The following AGBL4 variants were observed in gnomAD, a reference collection of about 807,000 sequenced individuals.
AGBL4 encodes the protein AGBL carboxypeptidase 4, also known as cytosolic carboxypeptidase 6.
In AGBL4, 58 loss-of-function variants were observed where a neutral mutation model predicts 66.4. The ratio of observed to expected loss-of-function variants is 0.87; its 90% CI spans 0.71 to 1.09. AGBL4 has a LOEUF of 1.09. Ranked by LOEUF, AGBL4 falls within the 50% of genes least tolerant of loss-of-function variation. The pLI, the probability that AGBL4 is intolerant of heterozygous loss-of-function variation, is 0.00. For missense variants in AGBL4, 579 were observed against 631.0 expected (o/e 0.92, Z 0.88); for synonymous variants, 234 against 222.9 (o/e 1.05, Z -0.44).
chr1:49,287,568 C>T (rs1339719736), intron 3 of AGBL4, among the ~76,000 whole-genome samples: 5 of 152,084 alleles, frequency 3.3e-5, no homozygotes, highest in African/African-American at 4.8e-5. Context: ...TGAACAGACA[C>T]TTCTCAAAAG....
intron 10 of AGBL4, 136 bp from the exon 11 acceptor site, chr1:48,587,302 T>C: frequency 1.2e-6 from 1 of 829,646 alleles, no homozygotes; most frequent in Non-Finnish European, 1.8e-6. Flanking sequence ...ACATGATTAT[T>C]ATAAGGACTG....
intron 6 of AGBL4, among the ~76,000 whole-genome samples, chr1:48,810,886 T>C (rs1351842148): frequency 2.0e-5 from 3 of 152,140 alleles, no homozygotes; most frequent in East Asian, 3.9e-4. Flanking sequence ...AATTTGACCT[T>C]TGGACGATGC....
chr1:49,353,189 G>A (rs1032964485), intron 3 of AGBL4, among the ~76,000 whole-genome samples: 2 of 152,150 alleles, frequency 1.3e-5, no homozygotes, highest in African/African-American at 4.8e-5. Context: ...CGTCTCTGCT[G>A]TTAAAACACT....
chr1:49,521,016 C>T (rs947252647), intron 3 of AGBL4, among the ~76,000 whole-genome samples: 2 of 151,938 alleles, frequency 1.3e-5, no homozygotes, highest in Non-Finnish European at 2.9e-5. Flanking sequence ...ACCATGTTGG[C>T]CAGGCTGGTC....
rs372682690 is a variant in AGBL4, at chr1:49,721,437, C to G, written c.158-24000G>C. On this transcript the variant is annotated intron_variant, in intron 2 of 13. Coordinates refer to ENST00000371839, the MANE Select transcript of AGBL4 (RefSeq NM_032785.4). ...GAGACCACAAACCCACCGGCAGGAA[C>G]CAACTCCAGACACAATAAGACAGGA... 3.3e-4 allele frequency among the ~76,000 whole-genome samples: 50 copies of G among 152,092 alleles called. 1 individual carries two copies. The South Asian group carries it at 9.6e-3, about 29-fold the overall frequency.
chr1:49,983,954 T>TCC (rs1166852444), intron 1 of AGBL4, among the ~76,000 whole-genome samples: 1 of 152,146 alleles, frequency 6.6e-6, no homozygotes, highest in Admixed American at 6.5e-5. Flanking sequence ...TGTTATACTC[T>TCC]CCCTCTTTTG....
chr1:48,822,589 A>G (rs1198917472), intron 6 of AGBL4, among the ~76,000 whole-genome samples: 1 of 152,246 alleles, frequency 6.6e-6, no homozygotes, highest in Non-Finnish European at 1.5e-5. Flanking sequence ...ATTGATCTAA[A>G]TGTATATGTC....
chr1:49,395,794 T>C lies in AGBL4; in HGVS notation c.283-149930A>G, dbSNP rs1294596693. Among the ~76,000 whole-genome samples, 3 of 135,180 alleles carry C rather than the reference T, an allele frequency of 2.2e-5. No individual in the cohort carries two copies. In the South Asian group the frequency reaches 6.7e-4, roughly 30 times the overall value. The allele number at this position is 135,180 out of a possible 152,430, so 88.7% of individuals were successfully genotyped here. A position where few individuals can be genotyped will look rare whatever the true frequency, so the allele number is the denominator to read the frequency against. ...ATATATACATGTGTATATATGTATA[T>C]ATATACATATATATATGTATACATA... On this transcript the variant is annotated intron_variant, in intron 3 of 13. Coordinates refer to ENST00000371839, the MANE Select transcript of AGBL4 (RefSeq NM_032785.4).
At chr1:49,553,384 A>G (rs1312693874) in intron 3 of AGBL4, among the ~76,000 whole-genome samples, 1 of 152,252 alleles carries the variant, frequency 6.6e-6, no homozygotes, top group African/African-American at 2.4e-5. Flanking sequence ...GGATGAGACC[A>G]TTCTTCACTT....
At chr1:49,280,414 T>C (rs141758780) in intron 3 of AGBL4, among the ~76,000 whole-genome samples, 92 of 152,290 alleles carry the variant, frequency 6.0e-4, no homozygotes, top group Middle Eastern at 3.4e-3. Context: ...GAAGAGCCCA[T>C]CACTCACTGC....
intron 3 of AGBL4, among the ~76,000 whole-genome samples, chr1:49,622,202 A>C (rs1029241011): frequency 6.6e-6 from 1 of 152,216 alleles, no homozygotes; most frequent in African/African-American, 2.4e-5. Flanking sequence ...CAGTGTAGCC[A>C]GACTTAAGTG....
chr1:49,678,578 T>C (rs1317335191), intron 3 of AGBL4, among the ~76,000 whole-genome samples: 2 of 152,118 alleles, frequency 1.3e-5, no homozygotes, highest in Admixed American at 6.6e-5. Flanking sequence ...TCTTCTTTTC[T>C]AATGTAAGTA....
At chr1:49,025,827 T>C (rs1410909981) in intron 5 of AGBL4, among the ~76,000 whole-genome samples, 3 of 152,148 alleles carry the variant, frequency 2.0e-5, no homozygotes, top group African/African-American at 7.2e-5. Context: ...AGTTTCCGGA[T>C]TTATTATTTT....
chr1:49,895,761 C>A (rs139652178), intron 1 of AGBL4, among the ~76,000 whole-genome samples: 26 of 151,548 alleles, frequency 1.7e-4, no homozygotes, highest in African/African-American at 5.3e-4. Context: ...AATTACACCA[C>A]CAGAGAGAAT....
At chr1:49,941,002 A>G (rs1423333949) in intron 1 of AGBL4, among the ~76,000 whole-genome samples, 1 of 152,164 alleles carries the variant, frequency 6.6e-6, no homozygotes, top group Admixed American at 6.6e-5. Context: ...CTGACACCAC[A>G]GAAATACAAA....
chr1:48,742,591 G>A, intron 6 of AGBL4: 1 of 1,488,344 alleles, frequency 6.7e-7, no homozygotes, highest in Non-Finnish European at 9.0e-7. Flanking sequence ...ACAAACACTT[G>A]CAGGGAATGG....
At chr1:49,704,859 C>A (rs1337676746) in intron 2 of AGBL4, among the ~76,000 whole-genome samples, 1 of 151,978 alleles carries the variant, frequency 6.6e-6, no homozygotes, top group East Asian at 1.9e-4. Context: ...AAGTCAGGTA[C>A]TGTGATGCCT....
At chr1:49,712,510 G>T in intron 2 of AGBL4, among the ~76,000 whole-genome samples, 1 of 151,734 alleles carries the variant, frequency 6.6e-6, no homozygotes, top group African/African-American at 2.4e-5. Flanking sequence ...AGTTATGTAG[G>T]ATGAATAAGT....
chr1:49,922,272 T>C (rs2148242658), intron 1 of AGBL4, among the ~76,000 whole-genome samples: 1 of 152,230 alleles, frequency 6.6e-6, no homozygotes, highest in South Asian at 2.1e-4. Flanking sequence ...GGATTTTTAC[T>C]CTCAATAAAC....
Sources: gnomAD v4.1 joint callset for allele counts (sites outside exome capture counted in the v4.1 genomes callset) on GRCh38, gnomAD v4.1.1 for gene constraint, MANE v1.5 for transcripts, NCBI Gene and HGNC (gene_info 2026-07-23, HGNC 2026-07-21) for gene names.